Variants in PALD1 observed in about 807,000 individuals in gnomAD.
PALD1 encodes the protein paladin.
In PALD1, 57 loss-of-function variants were observed where a neutral mutation model predicts 96.0. The ratio of observed to expected loss-of-function variants is 0.59; its 90% CI spans 0.48 to 0.74. PALD1 has a LOEUF of 0.74. PALD1 is among the 30% of genes least tolerant of loss of function. The probability of loss-of-function intolerance (pLI) is 0.00; values close to 1 mark genes in which losing one functional copy is unlikely to be tolerated. For synonymous variants in PALD1, 464 were observed against 473.6 expected (o/e 0.98, Z 0.26); for missense variants, 1,063 against 1,143.7 (o/e 0.93, Z 1.02).
chr10:70,560,085 G>A (rs1330245376), intron 18 of PALD1, among the ~76,000 whole-genome samples: 1 of 152,182 alleles, frequency 6.6e-6, no homozygotes, highest in Non-Finnish European at 1.5e-5. Flanking sequence ...GAAGCAATTA[G>A]AATCTGTTAA....
At chr10:70,505,988 T>C (rs1015166744) in intron 1 of PALD1, among the ~76,000 whole-genome samples, 4 of 151,864 alleles carry the variant, frequency 2.6e-5, no homozygotes, top group African/African-American at 9.7e-5. Flanking sequence ...GCCACTGCAC[T>C]CCAGCCTGGG....
chr10:70,530,449 T>A (rs1846969475), intron 4 of PALD1, among the ~76,000 whole-genome samples: 1 of 152,138 alleles, frequency 6.6e-6, no homozygotes, highest in Non-Finnish European at 1.5e-5. Flanking sequence ...GAGTGGCAGT[T>A]TGTCTCCCAT....
intron 7 of PALD1, among the ~76,000 whole-genome samples, chr10:70,533,371 CTGTG>C (rs1411907354): frequency 2.0e-5 from 3 of 151,234 alleles, no homozygotes; most frequent in South Asian, 2.1e-4. Flanking sequence ...GTGTATGTGT[CTGTG>C]TGTGTATGTG....
At chr10:70,477,949 G>T (rs868531042), upstream of PALD1, among the ~76,000 whole-genome samples, 37 of 152,272 alleles carry the variant, frequency 2.4e-4, 1 homozygote, top group South Asian at 2.3e-3. Context: ...ACGTGGGTGC[G>T]TTCACCCACG....
intron 5 of PALD1, among the ~76,000 whole-genome samples, chr10:70,531,731 T>C (rs954820472): frequency 2.0e-5 from 3 of 152,056 alleles, no homozygotes; most frequent in Admixed American, 6.6e-5. Context: ...GTGCAGTGGC[T>C]TATACCTGTA....
intron 1 of PALD1, among the ~76,000 whole-genome samples, chr10:70,524,879 A>G (rs1426383198): frequency 1.3e-5 from 2 of 152,248 alleles, no homozygotes; most frequent in Non-Finnish European, 2.9e-5. Flanking sequence ...TTGTGTACAC[A>G]TCCTCAAGTA....
chr10:70,522,127 T>C (rs1393729422), intron 1 of PALD1, among the ~76,000 whole-genome samples: 1 of 152,094 alleles, frequency 6.6e-6, no homozygotes, highest in Non-Finnish European at 1.5e-5. Context: ...TCAATGGGGG[T>C]GTCACACTGG....
At chr10:70,551,852 A>AT (rs2132423932) in intron 18 of PALD1, among the ~76,000 whole-genome samples, 1 of 152,350 alleles carries the variant, frequency 6.6e-6, no homozygotes, top group South Asian at 2.1e-4. Flanking sequence ...CACAGCAAGA[A>AT]TAAGGACAGT....
chr10:70,494,917 A>G (rs117060283), intron 1 of PALD1, among the ~76,000 whole-genome samples: 3,626 of 152,354 alleles, frequency 0.024, 267 homozygotes, highest in Admixed American at 0.15. Context: ...GCTGTATACA[A>G]TGCAACAACC....
At chr10:70,465,500 A>G in the PALD1 span, among the ~76,000 whole-genome samples, 3 of 152,140 alleles carry the variant, frequency 2.0e-5, no homozygotes, top group Non-Finnish European at 4.4e-5. Context: ...CCTACTATAT[A>G]TCAGGTCCTC....
At chr10:70,490,264 C>T (rs1324370266) in intron 1 of PALD1, among the ~76,000 whole-genome samples, 1 of 152,128 alleles carries the variant, frequency 6.6e-6, no homozygotes, top group African/African-American at 2.4e-5. Flanking sequence ...CTCTGTTGCT[C>T]AGGCTGGGGT....
intron 1 of PALD1, chr10:70,485,763 G>A (rs1846008623): frequency 6.4e-6 from 1 of 156,318 alleles, no homozygotes; most frequent in South Asian, 1.9e-4. Flanking sequence ...CCTGTCTCTG[G>A]TATGGATTCA....
rs370452911 is a variant in PALD1, at chr10:70,541,096, G to T, written c.1909-6G>T. 7 of 1,593,584 alleles carry T rather than the reference G, an allele frequency of 4.4e-6. No homozygotes were observed. Among genetic ancestry groups the T allele is most frequent in the Non-Finnish European group, 6.0e-6 (7 of 1,172,320 alleles). ...CGCTGACCCAGACCTTGCTTTTCTC[G>T]TCCAGGACTTTGACCAGCTGCTGGA... On this transcript the variant is annotated splice_region_variant and splice_polypyrimidine_tract_variant and intron_variant, in intron 15 of 19. Transcript: ENST00000263563.
chr10:70,468,700 G>A, the PALD1 span, among the ~76,000 whole-genome samples: 2 of 143,868 alleles, frequency 1.4e-5, no homozygotes, highest in African/African-American at 5.2e-5. Flanking sequence ...CATGAGGCAG[G>A]ACTGTGTGTG....
chr10:70,536,725 A>G (rs1333415578), intron 10 of PALD1, among the ~76,000 whole-genome samples: 6 of 152,186 alleles, frequency 3.9e-5, no homozygotes, highest in Admixed American at 2.6e-4. Context: ...CTGGCCCTTT[A>G]TGGAAAAAGT....
intron 1 of PALD1, among the ~76,000 whole-genome samples, chr10:70,516,889 A>AT (rs11452196): frequency 0.097 from 14,313 of 148,170 alleles, 852 homozygotes; most frequent in South Asian, 0.18. Flanking sequence ...ATTTTACTGT[A>AT]TTTTTTTTTT....
intron 1 of PALD1, among the ~76,000 whole-genome samples, chr10:70,482,046 G>A (rs1181510393): frequency 6.6e-6 from 1 of 152,178 alleles, no homozygotes; most frequent in Non-Finnish European, 1.5e-5. Context: ...TGATGTGGCG[G>A]TGGGGGCCTT....
intron 1 of PALD1, among the ~76,000 whole-genome samples, chr10:70,496,329 C>T (rs940157247): frequency 3.9e-5 from 6 of 152,152 alleles, no homozygotes; most frequent in South Asian, 2.1e-4. Context: ...TGAATTGCTA[C>T]GGTTGTATCA....
chr10:70,467,271 T>C, the PALD1 span, among the ~76,000 whole-genome samples: 1 of 151,914 alleles, frequency 6.6e-6, no homozygotes, highest in Non-Finnish European at 1.5e-5. Context: ...GTCCTAGAGG[T>C]TCCCACCAGC....
Sources: gnomAD v4.1 joint callset for allele counts (sites outside exome capture counted in the v4.1 genomes callset) on GRCh38, gnomAD v4.1.1 for gene constraint, MANE v1.5 for transcripts, NCBI Gene and HGNC (gene_info 2026-07-23, HGNC 2026-07-21) for gene names.